The following ERFL variants were observed in gnomAD, a reference collection of about 807,000 sequenced individuals.
ERFL encodes ETS domain-containing transcription factor ERF-like.
In ERFL, 8 loss-of-function variants were observed where a neutral mutation model predicts 27.9. The observed-to-expected ratio is 0.29, with a 90% CI of 0.17 to 0.52. The LOEUF (loss-of-function observed/expected upper bound fraction) is 0.52, where lower values mean the gene tolerates loss of function less well. Ranked by LOEUF, ERFL falls within the 20% of genes least tolerant of loss-of-function variation. ERFL has a pLI of 0.97. For missense variants in ERFL, 294 were observed against 444.4 expected (o/e 0.66, Z 3.04); for synonymous variants, 174 against 202.8 (o/e 0.86, Z 1.21).
intron 2 of ERFL, among the ~76,000 whole-genome samples, chr19:41,911,152 G>A (rs2074749298): frequency 6.6e-6 from 1 of 152,016 alleles, no homozygotes; most frequent in Non-Finnish European, 1.5e-5. Context: ...TGACACCCCC[G>A]GCTCACTCAG....
In ERFL at chr19:41,921,206, C is replaced by T. The variant is rs907046317; in HGVS notation, c.-14+6834G>A. Among the ~76,000 whole-genome samples the T allele has an allele frequency of 3.0e-4, 45 of 151,994 alleles. No individual in the cohort carries two copies. Among genetic ancestry groups the T allele is most frequent in the Admixed American group, 2.6e-4 (4 of 15,272 alleles). On this transcript the variant is annotated intron_variant, in intron 1 of 5. Transcript: ENST00000597630. This position sits in a 1 kb window ranked among gnomAD's most constrained non-coding sequence, Gnocchi z 4.4. ...GCTCCCCAACCTCACTCGTGGACCCCGCCTCCCCTCAGAGACCCAGAGAGA... is the reference window on the plus strand; with the variant it reads ...GCTCCCCAACCTCACTCGTGGACCCTGCCTCCCCTCAGAGACCCAGAGAGA...
Position 41,912,943 on chromosome 19 carries a change from CG to C in ERFL, c.-13-12del. 1 of 1,206,904 alleles carries C rather than the reference CG, an allele frequency of 8.3e-7. No homozygotes were observed. Among genetic ancestry groups the C allele is most frequent in the African/African-American group, 1.6e-5 (1 of 63,970 alleles). 74.8% of individuals were successfully genotyped at this position (1,206,904 alleles called of 1,614,324 possible). ...ATGGCGGAGCCGGCCCTGCAGAGGCCGGGAGGGACACACGGGGACGGGGTGG... is the reference window on the plus strand; with the variant it reads ...ATGGCGGAGCCGGCCCTGCAGAGGCCGGAGGGACACACGGGGACGGGGTGG... On this transcript the variant is annotated splice_polypyrimidine_tract_variant and intron_variant, in intron 1 of 5. Coordinates refer to ENST00000597630, the MANE Select transcript of ERFL (RefSeq NM_001365103.2).
Position 41,922,855 on chromosome 19 carries a change from G to A in ERFL, c.-14+5185C>T, listed in dbSNP as rs1037141763. Among the ~76,000 whole-genome samples the A allele has an allele frequency of 2.6e-5, 4 of 152,208 alleles. 1 individual carries two copies. The South Asian group carries it at 6.2e-4, about 24-fold the overall frequency. On this transcript the variant is annotated intron_variant, in intron 1 of 5. Transcript: ENST00000597630. ...CAATCCTGGCCCGCGCACTGCCGCC[G>A]AGGCGGATCGATCCCTGTCCCCAGC...
chr19:41,925,019 G>T (rs1320386971), intron 1 of ERFL, among the ~76,000 whole-genome samples: 1 of 152,148 alleles, frequency 6.6e-6, no homozygotes, highest in African/African-American at 2.4e-5. Flanking sequence ...TGGATGTTTG[G>T]GGGGAGGAAA....
chr19:41,908,735 G>A lies in ERFL; in HGVS notation c.617-59C>T, dbSNP rs969842893. Reference sequence around the variant, plus strand: ...CCTGCCTGCCTGGGGACCAGTAAAGGGGGCTGCCTCCCTGCCATATCCCAC... The same window carrying A: ...CCTGCCTGCCTGGGGACCAGTAAAGAGGGCTGCCTCCCTGCCATATCCCAC... On this transcript the variant is annotated intron_variant, in intron 5 of 5. Transcript: ENST00000597630. The surrounding 1 kb of genome is among the most constrained non-coding windows in gnomAD (Gnocchi z 6.7). 4 of 930,102 alleles carry A rather than the reference G, an allele frequency of 4.3e-6. No homozygotes were observed. The highest frequency in any genetic ancestry group is 4.2e-6 in the Non-Finnish European group (3 of 712,614). The allele number at this position is 930,102 out of a possible 1,614,324, so 57.6% of individuals were successfully genotyped here.
At position 41,909,369 on chromosome 19, in the gene ERFL, G is replaced by A; in HGVS notation, c.405C>T (p.Asp135=). Residue 135 remains aspartate (D), a synonymous_variant, in exon 4 of 6, where the codon GAC becomes GAT. Coordinates refer to ENST00000597630, the MANE Select transcript of ERFL (RefSeq NM_001365103.2). The surrounding 1 kb of genome is among the most constrained non-coding windows in gnomAD (Gnocchi z 5.2). ...GGGAGCCAGTGGCAGCTGCCGCCATGTCCAGCAGCGGGTAATTGACAAGCA... is the reference window on the plus strand; with the variant it reads ...GGGAGCCAGTGGCAGCTGCCGCCATATCCAGCAGCGGGTAATTGACAAGCA... ...KVVLVNYPLL[D]MAAAATGSPL... 8.1e-7 allele frequency: 1 copy of A among 1,236,896 alleles called. No individual in the cohort carries two copies. Among genetic ancestry groups the A allele is most frequent in the Non-Finnish European group, 1.0e-6 (1 of 990,140 alleles). 76.6% of individuals were successfully genotyped at this position (1,236,896 alleles called of 1,614,324 possible).
intron 1 of ERFL, among the ~76,000 whole-genome samples, chr19:41,918,003 G>A (rs2074812355): frequency 2.6e-5 from 4 of 151,904 alleles, no homozygotes; most frequent in Admixed American, 6.5e-5. Context: ...CTCAGGGGCC[G>A]GCCCTCGACA....
intron 1 of ERFL, among the ~76,000 whole-genome samples, chr19:41,913,144 C>T (rs1203586818): frequency 6.6e-6 from 1 of 152,040 alleles, no homozygotes; most frequent in Admixed American, 6.6e-5. Flanking sequence ...CCTTCCCTCC[C>T]AGCCTCTCCT....
In ERFL at chr19:41,917,606, C is replaced by T. The variant is rs1278827331; in HGVS notation, c.-13-4674G>A. Among the ~76,000 whole-genome samples the T allele has an allele frequency of 6.6e-6, 1 of 151,890 alleles. No homozygotes were observed. The highest frequency in any genetic ancestry group is 2.4e-5 in the African/African-American group (1 of 41,272). ...GAGACGCGGCCTAAGACCCTTCTGC[C>T]ACCGCCGCCCCCGCATGCACACACC... On this transcript the variant is annotated intron_variant, in intron 1 of 5. Transcript: ENST00000597630. This position sits in a 1 kb window ranked among gnomAD's most constrained non-coding sequence, Gnocchi z 4.8.
In ERFL at chr19:41,908,077, C is replaced by G. The variant is rs963267725; in HGVS notation, c.*151G>C. ...GTGGAGGGGGAAGTGAGACCCCCCC[C>G]ACTCTGGGGCTGGGGAAGGAGACTG... is the stretch of plus-strand genomic sequence containing the variant. On this transcript the variant is annotated 3_prime_UTR_variant, in exon 6 of 6. Transcript: ENST00000597630. This position sits in a 1 kb window ranked among gnomAD's most constrained non-coding sequence, Gnocchi z 6.7. 237 of 519,734 alleles carry G rather than the reference C, an allele frequency of 4.6e-4. No homozygotes were observed. In the East Asian group the frequency reaches 6.9e-3, roughly 15 times the overall value. The allele number at this position is 519,734 out of a possible 1,614,324, so 32.2% of individuals were successfully genotyped here.
intron 1 of ERFL, among the ~76,000 whole-genome samples, chr19:41,913,247 A>ACTCGCTGGCTCTCACG (rs1555851416): frequency 6.9e-6 from 1 of 143,974 alleles, no homozygotes; most frequent in Non-Finnish European, 1.5e-5. Context: ...ACGCTCTCAC[A>ACTCGCTGGCTCTCACG]CTCGCTGGCT....
rs1173422539 is a variant in ERFL at position 41,916,742 on chromosome 19, C to G, written c.-13-3810G>C. Among the ~76,000 whole-genome samples, 6 of 151,988 alleles carry G rather than the reference C, an allele frequency of 3.9e-5. No individual in the cohort carries two copies. The highest frequency in any genetic ancestry group is 1.5e-4 in the African/African-American group (6 of 41,346). Reference sequence around the variant, plus strand: ...AGCCGTAGAGATACACACACCAGCACCAACCCAGACAGCCAACGCACACGG... The same window carrying G: ...AGCCGTAGAGATACACACACCAGCAGCAACCCAGACAGCCAACGCACACGG... On this transcript the variant is annotated intron_variant, in intron 1 of 5. Coordinates refer to ENST00000597630, the MANE Select transcript of ERFL (RefSeq NM_001365103.2). The surrounding 1 kb of genome is among the most constrained non-coding windows in gnomAD (Gnocchi z 5.4).
intron 1 of ERFL, among the ~76,000 whole-genome samples, chr19:41,914,845 GTCTCTCCCCCCCTCCACCA>G (rs1379404901): frequency 3.3e-4 from 4 of 12,222 alleles, no homozygotes; most frequent in East Asian, 7.3e-3. Context: ...CACCGTCTCT[GTCTCTCCCCCCCTCCACCA>G]TCTCTGTCTC....
In ERFL at chr19:41,908,263, TG is replaced by T. The variant is rs1216275352; in HGVS notation, c.1029del (p.Lys344ArgfsTer21). On this transcript the variant is annotated frameshift_variant, in exon 6 of 6. Transcript: ENST00000597630. LOFTEE classifies it high-confidence loss of function. This position sits in a 1 kb window ranked among gnomAD's most constrained non-coding sequence, Gnocchi z 6.7. ...SEGDEGLPAP[P>X]KAKAGKGGTG... ...GTCCCCCCTTTGCCCGCCTTTGCCT[TG>T]GGGGGTGCCGGGAGACCCTCATCGC... The T allele has an allele frequency of 1.6e-6, 2 of 1,231,558 alleles. No homozygotes were observed. The allele number at this position is 1,231,558 out of a possible 1,614,324, so 76.3% of individuals were successfully genotyped here. A position where few individuals can be genotyped will look rare whatever the true frequency, so the allele number is the denominator to read the frequency against.
At position 41,912,882 on chromosome 19, in the gene ERFL, G is replaced by A. The variant is rs1437936971; in HGVS notation, c.38C>T (p.Pro13Leu). ...GGTCCAGAGAGCCGGCAGGGCGGGC[G>A]GGGCGAAGAGAAGGTCGGAGACGCA... ...CSCVSDLLFAPPALPALWTPG... is the reference protein window; with the variant it reads ...CSCVSDLLFALPALPALWTPG... Residue 13 changes from proline to leucine, a missense_variant, in exon 2 of 6, where the codon CCG becomes CTG. Physicochemically the swap from Pro to Leu is moderately conservative, Grantham distance 98 (BLOSUM62 -3). Coordinates refer to ENST00000597630, the MANE Select transcript of ERFL (RefSeq NM_001365103.2). 5 of 1,231,214 alleles carry A rather than the reference G, an allele frequency of 4.1e-6. No individual in the cohort carries two copies. Among genetic ancestry groups the A allele is most frequent in the African/African-American group, 3.1e-5 (2 of 64,374 alleles). 76.3% of individuals were successfully genotyped at this position (1,231,214 alleles called of 1,614,324 possible). A position where few individuals can be genotyped will look rare whatever the true frequency, so the allele number is the denominator to read the frequency against.
At chr19:41,915,230 C>G (rs985504420) in intron 1 of ERFL, among the ~76,000 whole-genome samples, 5 of 141,730 alleles carry the variant, frequency 3.5e-5, no homozygotes, top group East Asian at 2.2e-4. Context: ...CACGTTATAA[C>G]GAGGAGCCGT....
At chr19:41,926,957 A>C (rs1213529287) in intron 1 of ERFL, among the ~76,000 whole-genome samples, 1 of 152,048 alleles carries the variant, frequency 6.6e-6, no homozygotes, top group East Asian at 1.9e-4. Flanking sequence ...AGAGAGAGAG[A>C]GATAGAAAGA....
At chr19:41,913,745 A>G (rs1197577886) in intron 1 of ERFL, among the ~76,000 whole-genome samples, 1 of 119,334 alleles carries the variant, frequency 8.4e-6, no homozygotes, top group Non-Finnish European at 1.7e-5. Flanking sequence ...AAGATACTCC[A>G]TCCCCTCCTC....
Position 41,912,763 on chromosome 19 carries a change from A to G in ERFL, c.67+90T>C, listed in dbSNP as rs1043556738. The G allele has an allele frequency of 1.0e-4, 44 of 427,196 alleles. 1 individual carries two copies. In the South Asian group the frequency reaches 5.2e-3, roughly 50 times the overall value. 26.5% of individuals were successfully genotyped at this position (427,196 alleles called of 1,614,324 possible). A position where few individuals can be genotyped will look rare whatever the true frequency, so the allele number is the denominator to read the frequency against. ...AGAAGGACCCACGGACTAGAGTGAG[A>G]CACGTGGAGACACGGAGAGAAGGGG... is the stretch of plus-strand genomic sequence containing the variant. On this transcript the variant is annotated intron_variant, in intron 2 of 5. Coordinates refer to ENST00000597630, the MANE Select transcript of ERFL (RefSeq NM_001365103.2).
Sources: allele counts gnomAD v4.1 joint callset (sites outside exome capture counted in the v4.1 genomes callset), GRCh38; gene constraint gnomAD v4.1.1; non-coding constraint Gnocchi (gnomAD v3.1); transcripts MANE v1.5; gene names NCBI Gene and HGNC (gene_info 2026-07-23, HGNC 2026-07-21).